ASH1L: variants seen among roughly 807,000 people sequenced by gnomAD.
ASH1L encodes the protein ASH1 like histone lysine methyltransferase.
ASH1L carries 23 observed loss-of-function variants against 269.0 expected under a neutral mutation model. The observed-to-expected ratio is 0.09, with a 90% confidence interval of 0.06 to 0.12. The LOEUF is 0.12. Ranked by LOEUF, ASH1L falls within the 10% of genes least tolerant of loss-of-function variation. ASH1L has a pLI of 1.00. For missense variants in ASH1L, 2,912 were observed against 3,567.8 expected (o/e 0.82, Z 4.68); for synonymous variants, 1,187 against 1,253.5 (o/e 0.95, Z 1.12).
At chr1:155,378,016 C>A (rs1227401837) in intron 10 of ASH1L, among the ~76,000 whole-genome samples, 1 of 150,662 alleles carries the variant, frequency 6.6e-6, no homozygotes, top group Non-Finnish European at 1.5e-5. Flanking sequence ...GAGGGAGACT[C>A]CGTCTCAAAA....
chr1:155,407,968 C>T (rs778747022), intron 6 of ASH1L, among the ~76,000 whole-genome samples: 6 of 152,000 alleles, frequency 3.9e-5, no homozygotes, highest in Non-Finnish European at 8.8e-5. Flanking sequence ...GGGTTTCTTT[C>T]TGGAATAATA....
chr1:155,411,586 A>ATATATATAGATATATATATATAT (rs1558075618), intron 6 of ASH1L, among the ~76,000 whole-genome samples: 1 of 55,192 alleles, frequency 1.8e-5, no homozygotes, highest in Non-Finnish European at 3.2e-5. Flanking sequence ...TAAATAAATA[A>ATATATATAGATATATATATATAT]ATATATATAT....
At chr1:155,392,725 G>C (rs926283158) in intron 7 of ASH1L, among the ~76,000 whole-genome samples, 5 of 152,098 alleles carry the variant, frequency 3.3e-5, no homozygotes, top group African/African-American at 1.2e-4. Context: ...CTGACCTCAG[G>C]TGATCCACCT....
intron 4 of ASH1L, among the ~76,000 whole-genome samples, chr1:155,453,123 G>A (rs757067305): frequency 2.4e-4 from 36 of 152,142 alleles, no homozygotes; most frequent in Non-Finnish European, 3.8e-4. Flanking sequence ...GGGGGGCCGA[G>A]GCAGGCAGAT....
At chr1:155,476,798 C>A (rs1433812209) in intron 3 of ASH1L, among the ~76,000 whole-genome samples, 1 of 151,934 alleles carries the variant, frequency 6.6e-6, no homozygotes, top group African/African-American at 2.4e-5. Context: ...CATGATCCGC[C>A]CACCTCGGCC....
chr1:155,506,681 C>T (rs968911948), intron 2 of ASH1L, among the ~76,000 whole-genome samples: 2 of 152,004 alleles, frequency 1.3e-5, no homozygotes, highest in South Asian at 2.1e-4. Flanking sequence ...GGCAATGGAC[C>T]GAGACTCCAT....
intron 2 of ASH1L, among the ~76,000 whole-genome samples, chr1:155,500,154 G>A (rs1347955155): frequency 6.6e-6 from 1 of 152,190 alleles, no homozygotes; most frequent in Non-Finnish European, 1.5e-5. Flanking sequence ...TCATGCTTCC[G>A]TAATAGAAGT....
Position 155,346,433 on chromosome 1 carries a change from C to A in ASH1L, c.7840G>T (p.Asp2614Tyr). 2 of 1,614,074 alleles carry A rather than the reference C, an allele frequency of 1.2e-6. No individual in the cohort carries two copies. Among genetic ancestry groups the A allele is most frequent in the Non-Finnish European group, 1.7e-6 (2 of 1,179,966 alleles). Reference sequence around the variant, plus strand: ...TGCTCACAAAGGTAGTGCTCCACATCTGAGTTCACTCCCATACAATCACAG... The same window carrying A: ...TGCTCACAAAGGTAGTGCTCCACATATGAGTTCACTCCCATACAATCACAG... ...QHCDCMGVNS[D>Y]VEHYLCEQCD... The change falls in exon 21 of 28, where the codon GAT becomes TAT. Residue 2614 changes from aspartate (D) to tyrosine (Y), a missense_variant. Physicochemically the swap from Asp to Tyr is radical, Grantham distance 160 (BLOSUM62 -3). This residue lies in a region of ASH1L where 179 missense variants were observed against 293.8 expected (regional missense o/e 0.61). Coordinates refer to ENST00000392403, the MANE Select transcript of ASH1L (RefSeq NM_018489.3).
At chr1:155,411,064 A>G (rs1280790755) in intron 6 of ASH1L, among the ~76,000 whole-genome samples, 1 of 152,232 alleles carries the variant, frequency 6.6e-6, no homozygotes, top group African/African-American at 2.4e-5. Flanking sequence ...GGATCATAAC[A>G]CATGTATCAC....
chr1:155,484,119 T>A (rs1666139653), intron 2 of ASH1L, among the ~76,000 whole-genome samples: 1 of 152,204 alleles, frequency 6.6e-6, no homozygotes, highest in African/African-American at 2.4e-5. Context: ...TTTATGGTTT[T>A]CAGTTTGGAA....
At chr1:155,373,310 C>G (rs1035064040) in intron 10 of ASH1L, among the ~76,000 whole-genome samples, 2 of 150,916 alleles carry the variant, frequency 1.3e-5, no homozygotes, top group African/African-American at 4.9e-5. Flanking sequence ...TTTTTGGAGA[C>G]AGGGTCTCGC....
chr1:155,364,575 G>A (rs1655239895), intron 12 of ASH1L, among the ~76,000 whole-genome samples: 1 of 152,008 alleles, frequency 6.6e-6, no homozygotes, highest in Non-Finnish European at 1.5e-5. Context: ...AACATATTAA[G>A]CGCTGTTGTA....
chr1:155,429,247 A>G (rs574634220), intron 5 of ASH1L, among the ~76,000 whole-genome samples: 49 of 152,302 alleles, frequency 3.2e-4, no homozygotes, highest in Admixed American at 4.6e-4. Flanking sequence ...ACACAATAGT[A>G]TATGTCCTCT....
chr1:155,353,716 GT>G (rs375180454), intron 16 of ASH1L, among the ~76,000 whole-genome samples: 46 of 152,188 alleles, frequency 3.0e-4, no homozygotes, highest in African/African-American at 1.1e-3. Flanking sequence ...ATAATGACCC[GT>G]CCCCCACTGA....
intron 2 of ASH1L, among the ~76,000 whole-genome samples, chr1:155,516,938 C>A (rs1202878292): frequency 6.6e-6 from 1 of 152,038 alleles, no homozygotes; most frequent in Non-Finnish European, 1.5e-5. Flanking sequence ...TAAAATATTG[C>A]TGAAAGAAAT....
chr1:155,387,087 C>A (rs1571070105), intron 7 of ASH1L, among the ~76,000 whole-genome samples: 1 of 151,800 alleles, frequency 6.6e-6, no homozygotes, highest in Non-Finnish European at 1.5e-5. Context: ...GATTCTCATG[C>A]CTCAGCCTCT....
intron 6 of ASH1L, among the ~76,000 whole-genome samples, chr1:155,407,364 G>C (rs1367480387): frequency 6.6e-6 from 1 of 152,120 alleles, no homozygotes; most frequent in Non-Finnish European, 1.5e-5. Context: ...CATGGAAGCA[G>C]AATTTAGCAA....
intron 1 of ASH1L, among the ~76,000 whole-genome samples, chr1:155,551,038 C>G (rs934326944): frequency 2.0e-4 from 31 of 152,084 alleles, no homozygotes; most frequent in African/African-American, 7.5e-4. Context: ...CCCAGGCGGT[C>G]TGGAACTCCT....
chr1:155,529,864 C>T (rs1048112890), intron 1 of ASH1L, among the ~76,000 whole-genome samples: 1 of 151,830 alleles, frequency 6.6e-6, no homozygotes, highest in Non-Finnish European at 1.5e-5. Flanking sequence ...CACTTAGTTC[C>T]AAGAAGGAGG....
Sources: allele counts gnomAD v4.1 joint callset (sites outside exome capture counted in the v4.1 genomes callset), GRCh38; gene constraint gnomAD v4.1.1; regional missense constraint gnomAD v4.1.1; transcripts MANE v1.5; gene names NCBI Gene and HGNC (gene_info 2026-07-23, HGNC 2026-07-21).